C12orf50: variants seen among roughly 807,000 people sequenced by gnomAD.
The protein encoded by C12orf50 is uncharacterized protein C12orf50.
A neutral mutation model predicts 61.6 loss-of-function variants in C12orf50; 35 were observed. The observed-to-expected ratio is 0.57, with a 90% confidence interval of 0.43 to 0.75. The LOEUF is 0.75. C12orf50 is among the 30% of genes least tolerant of loss of function. The probability of loss-of-function intolerance (pLI) is 0.00; values close to 1 mark genes in which losing one functional copy is unlikely to be tolerated. For synonymous variants in C12orf50, 178 were observed against 161.5 expected (o/e 1.10, Z -0.77); for missense variants, 475 against 488.5 (o/e 0.97, Z 0.26).
rs563172615 is a variant in C12orf50 at position 87,993,710 on chromosome 12, C to G, written c.592+923G>C. On this transcript the variant is annotated intron_variant, in intron 7 of 12. Coordinates refer to ENST00000298699, the MANE Select transcript of C12orf50 (RefSeq NM_152589.3). ...CTCCTTCCTACTCTTCACACACATT[C>G]TTCCCATCAGCCACACCTTTCAACC... is the stretch of plus-strand genomic sequence containing the variant. 2.0e-5 allele frequency among the ~76,000 whole-genome samples: 3 copies of G among 152,282 alleles called. No homozygotes were observed. The South Asian group carries it at 6.2e-4, about 32-fold the overall frequency.
chr12:88,021,868 A>C (rs1001530548), intron 3 of C12orf50, among the ~76,000 whole-genome samples: 1 of 152,102 alleles, frequency 6.6e-6, no homozygotes, highest in Middle Eastern at 3.2e-3. Flanking sequence ...CCAACCAAAA[A>C]AAACCCAGGG....
chr12:88,023,966 G>C (rs545190473), intron 3 of C12orf50, among the ~76,000 whole-genome samples: 2 of 152,218 alleles, frequency 1.3e-5, no homozygotes, highest in Admixed American at 1.3e-4. Context: ...TTAAAAAGTG[G>C]GAAAAGCACG....
chr12:87,998,019 A>G lies in C12orf50; in HGVS notation c.289+16T>C. The G allele has an allele frequency of 6.3e-7, 1 of 1,599,798 alleles. No homozygotes were observed. Among genetic ancestry groups the G allele is most frequent in the South Asian group, 1.1e-5 (1 of 88,616 alleles). On this transcript the variant is annotated intron_variant, in intron 4 of 12. Coordinates refer to ENST00000298699, the MANE Select transcript of C12orf50 (RefSeq NM_152589.3). ...TTTTGAATGTGTATTGTAAACCTGA[A>G]AAAAGTTCTACTAACCATTTTGTTC...
intron 9 of C12orf50, 112 bp from the exon 10 acceptor site, chr12:87,986,528 T>G: frequency 1.5e-6 from 1 of 666,972 alleles, no homozygotes; most frequent in Non-Finnish European, 2.4e-6. Flanking sequence ...GAGGAAAAAA[T>G]AAATGCACCA....
chr12:88,029,691 T>C (rs2032828688), upstream of C12orf50, among the ~76,000 whole-genome samples: 2 of 152,156 alleles, frequency 1.3e-5, no homozygotes, highest in South Asian at 4.1e-4. Context: ...TTCGTTTCTA[T>C]AGAGGTTTTG....
intron 3 of C12orf50, among the ~76,000 whole-genome samples, chr12:88,020,325 G>A (rs1192643322): frequency 1.3e-5 from 2 of 152,044 alleles, no homozygotes; most frequent in African/African-American, 2.4e-5. Context: ...ATACCCATAG[G>A]CTCAAAATAA....
chr12:88,023,893 T>G (rs1372646653), intron 3 of C12orf50, among the ~76,000 whole-genome samples: 2 of 152,078 alleles, frequency 1.3e-5, no homozygotes. Flanking sequence ...AAACTATATA[T>G]CCAACAAAGG....
intron 8 of C12orf50, 30 bp downstream of exon 8, chr12:87,989,234 A>G: frequency 6.7e-7 from 1 of 1,494,324 alleles, no homozygotes; most frequent in Non-Finnish European, 9.2e-7. Flanking sequence ...CCAAATTACA[A>G]ATGAATCAAA....
intron 2 of C12orf50, 33 bp from the exon 3 acceptor site, chr12:88,026,641 A>G: frequency 6.2e-7 from 1 of 1,606,664 alleles, no homozygotes; most frequent in Non-Finnish European, 8.5e-7. Context: ...AAATGTAATG[A>G]TTAGATGCCA....
chr12:87,990,310 A>C (rs1481591752), intron 7 of C12orf50, among the ~76,000 whole-genome samples: 1 of 152,164 alleles, frequency 6.6e-6, no homozygotes, highest in East Asian at 1.9e-4. Flanking sequence ...ATTTGAACAT[A>C]TCATCCTTTA....
intron 3 of C12orf50, among the ~76,000 whole-genome samples, chr12:88,008,242 G>A (rs2031964552): frequency 6.6e-6 from 1 of 152,030 alleles, no homozygotes; most frequent in Non-Finnish European, 1.5e-5. Context: ...GTAGACCCCA[G>A]TGTGTGTTGT....
Position 87,982,163 on chromosome 12 carries a change from A to G in C12orf50, c.1219+940T>C, listed in dbSNP as rs1465972729. On this transcript the variant is annotated intron_variant, in intron 12 of 12. Coordinates refer to ENST00000298699, the MANE Select transcript of C12orf50 (RefSeq NM_152589.3). Reference sequence around the variant, plus strand: ...CATAGGAGAAAAGGCTATAGAGCTCAACAATTTCAAGTTTCACCCAGGATT... The same window carrying G: ...CATAGGAGAAAAGGCTATAGAGCTCGACAATTTCAAGTTTCACCCAGGATT... Among the ~76,000 whole-genome samples the G allele has an allele frequency of 2.6e-5, 4 of 152,092 alleles. No individual in the cohort carries two copies. In the East Asian group the frequency reaches 7.7e-4, roughly 29 times the overall value.
intron 3 of C12orf50, among the ~76,000 whole-genome samples, chr12:88,000,028 G>GA (rs936546100): frequency 4.6e-5 from 7 of 152,018 alleles, no homozygotes; most frequent in South Asian, 2.1e-4. Context: ...TTGGGAATTG[G>GA]AAAAAAATGA....
At chr12:88,005,914 T>G (rs898443009) in intron 3 of C12orf50, among the ~76,000 whole-genome samples, 17 of 107,544 alleles carry the variant, frequency 1.6e-4, no homozygotes, top group Non-Finnish European at 2.8e-4. Flanking sequence ...TTTTTTTGGT[T>G]TTTTTTTTTT....
At chr12:88,025,134 T>C (rs2032654435) in intron 3 of C12orf50, among the ~76,000 whole-genome samples, 1 of 152,204 alleles carries the variant, frequency 6.6e-6, no homozygotes, top group African/African-American at 2.4e-5. Context: ...TGTATACTGA[T>C]AGAAATGATT....
intron 3 of C12orf50, among the ~76,000 whole-genome samples, chr12:88,017,625 C>G (rs2032360209): frequency 1.3e-5 from 2 of 152,112 alleles, no homozygotes; most frequent in Admixed American, 6.5e-5. Flanking sequence ...CTCAGAATAA[C>G]ACAGAAAAAT....
At chr12:88,001,255 T>A (rs1175457658) in intron 3 of C12orf50, among the ~76,000 whole-genome samples, 1 of 151,362 alleles carries the variant, frequency 6.6e-6, no homozygotes, top group Non-Finnish European at 1.5e-5. Context: ...GTTAAGATGA[T>A]CATGTGTCTT....
At chr12:87,986,848 G>T (rs1472044247) in intron 9 of C12orf50, among the ~76,000 whole-genome samples, 1 of 152,058 alleles carries the variant, frequency 6.6e-6, no homozygotes, top group Admixed American at 6.6e-5. Context: ...TACTTTCAGT[G>T]AACTTTACCT....
At chr12:88,024,804 G>A (rs2032642700) in intron 3 of C12orf50, among the ~76,000 whole-genome samples, 1 of 152,102 alleles carries the variant, frequency 6.6e-6, no homozygotes, top group Non-Finnish European at 1.5e-5. Context: ...GATAAATGAA[G>A]AGAATGTGTC....
Sources: allele counts gnomAD v4.1 joint callset (sites outside exome capture counted in the v4.1 genomes callset), GRCh38; gene constraint gnomAD v4.1.1; transcripts MANE v1.5; gene names NCBI Gene and HGNC (gene_info 2026-07-23, HGNC 2026-07-21).